NAV3: variants seen among roughly 807,000 people sequenced by gnomAD.
The protein encoded by NAV3 is pore membrane and/or filament interacting like protein 1.
Under a neutral mutation model 244.7 loss-of-function variants are expected in NAV3, and 87 were observed. The ratio of observed to expected loss-of-function variants is 0.36; its 90% confidence interval spans 0.30 to 0.42. NAV3 has a LOEUF of 0.42. Ranked by LOEUF, NAV3 falls within the 20% of genes least tolerant of loss-of-function variation. NAV3 has a pLI of 1.00. For synonymous variants in NAV3, 1,126 were observed against 1,042.2 expected, an observed-to-expected ratio of 1.08 and a Z score of -1.55; for missense variants, 2,663 against 2,893.3, an observed-to-expected ratio of 0.92 and a Z score of 1.83.
intron 12 of NAV3, among the ~76,000 whole-genome samples, chr12:78,107,413 T>C (rs1029739284): frequency 1.3e-5 from 2 of 152,060 alleles, no homozygotes; most frequent in Non-Finnish European, 2.9e-5. Context: ...CCCAGGCCGA[T>C]AAAACGCAAA....
intron 12 of NAV3, among the ~76,000 whole-genome samples, chr12:78,110,536 G>A (rs1380779065): frequency 2.6e-5 from 4 of 151,948 alleles, no homozygotes; most frequent in Admixed American, 2.0e-4. Flanking sequence ...ATCTATGCAT[G>A]TAACAAAATT....
At chr12:77,982,152 G>A (rs955494891) in intron 5 of NAV3, among the ~76,000 whole-genome samples, 15 of 152,026 alleles carry the variant, frequency 9.9e-5, no homozygotes, top group Non-Finnish European at 1.9e-4. Context: ...TTTTCTACTT[G>A]ATTTTTATGT....
At chr12:78,124,713 C>T (rs1023212762) in intron 16 of NAV3, among the ~76,000 whole-genome samples, 1 of 152,068 alleles carries the variant, frequency 6.6e-6, no homozygotes, top group African/African-American at 2.4e-5. Flanking sequence ...CTTGGCCTCC[C>T]AAAGTGTGGG....
chr12:77,880,008 G>A (rs1882422139), intron 1 of NAV3, among the ~76,000 whole-genome samples: 1 of 152,120 alleles, frequency 6.6e-6, no homozygotes, highest in Non-Finnish European at 1.5e-5. Flanking sequence ...TTACAGGAAT[G>A]TTGTTAGTGT....
At chr12:77,929,426 G>A (rs1593027818) in intron 1 of NAV3, among the ~76,000 whole-genome samples, 1 of 152,048 alleles carries the variant, frequency 6.6e-6, no homozygotes, top group Non-Finnish European at 1.5e-5. Context: ...TTTATTGAGT[G>A]TCTACTAAGT....
At chr12:77,906,310 C>T (rs1885968461) in intron 1 of NAV3, among the ~76,000 whole-genome samples, 1 of 151,950 alleles carries the variant, frequency 6.6e-6, no homozygotes, top group Non-Finnish European at 1.5e-5. Context: ...TTTTGTTCCC[C>T]AATGCTTTCC....
intron 2 of NAV3, among the ~76,000 whole-genome samples, chr12:77,650,594 A>G (rs1042964047): frequency 6.6e-6 from 1 of 152,166 alleles, no homozygotes; most frequent in Non-Finnish European, 1.5e-5. Context: ...ATGAACCATT[A>G]TACTATTTCT....
intron 2 of NAV3, among the ~76,000 whole-genome samples, chr12:77,650,772 A>G (rs1300919860): frequency 6.6e-6 from 1 of 152,104 alleles, no homozygotes; most frequent in African/African-American, 2.4e-5. Context: ...TTAATGACTT[A>G]AATTTCCTTT....
chr12:77,952,880 A>G (rs566018902), intron 3 of NAV3, among the ~76,000 whole-genome samples: 1 of 152,290 alleles, frequency 6.6e-6, no homozygotes, highest in East Asian at 1.9e-4. Context: ...TTGGCAAATA[A>G]TAAGTTGTTA....
At chr12:77,590,573 T>C (rs188939256) in intron 2 of NAV3, among the ~76,000 whole-genome samples, 16 of 152,292 alleles carry the variant, frequency 1.1e-4, no homozygotes, top group African/African-American at 3.4e-4. Context: ...CTAGGCTTAA[T>C]ACCTGAGTGA....
chr12:78,186,347 T>A (rs899934321), intron 31 of NAV3, among the ~76,000 whole-genome samples: 3 of 151,926 alleles, frequency 2.0e-5, no homozygotes, highest in African/African-American at 4.8e-5. Context: ...ATCCAATTTT[T>A]TTACATCAAG....
intron 21 of NAV3, 76 bp downstream of exon 21, chr12:78,146,468 C>A: frequency 1.8e-6 from 1 of 544,734 alleles, no homozygotes; most frequent in Non-Finnish European, 2.9e-6. Context: ...CTTGTGACCA[C>A]TAGAGGGCTC....
chr12:77,721,714 T>G (rs890668515), intron 2 of NAV3, among the ~76,000 whole-genome samples: 4 of 152,264 alleles, frequency 2.6e-5, no homozygotes, highest in African/African-American at 4.8e-5. Context: ...TCATATAAGC[T>G]TCTAAACAGC....
chr12:77,720,066 G>C (rs1327064215), intron 2 of NAV3, among the ~76,000 whole-genome samples: 1 of 151,872 alleles, frequency 6.6e-6, no homozygotes, highest in African/African-American at 2.4e-5. Context: ...ATTTCTCCTA[G>C]GTTATCCAAC....
intron 18 of NAV3, among the ~76,000 whole-genome samples, chr12:78,131,939 A>G (rs1037921777): frequency 6.6e-6 from 1 of 152,196 alleles, no homozygotes; most frequent in Non-Finnish European, 1.5e-5. Flanking sequence ...TTCGCAACAC[A>G]GTAACCACAG....
chr12:77,736,790 C>T (rs1877353807), intron 2 of NAV3, among the ~76,000 whole-genome samples: 1 of 152,136 alleles, frequency 6.6e-6, no homozygotes, highest in Non-Finnish European at 1.5e-5. Flanking sequence ...TATATGTCAC[C>T]ACAGGAATGT....
At chr12:77,708,342 A>C (rs1260798278) in intron 2 of NAV3, among the ~76,000 whole-genome samples, 2 of 152,060 alleles carry the variant, frequency 1.3e-5, no homozygotes, top group Middle Eastern at 3.2e-3. Flanking sequence ...TGTTTTTGTC[A>C]GGTTTGTCAA....
chr12:77,782,122 C>G (rs556956780), intron 2 of NAV3, among the ~76,000 whole-genome samples: 2 of 152,256 alleles, frequency 1.3e-5, no homozygotes, highest in East Asian at 3.9e-4. Flanking sequence ...AGTCTCCTAA[C>G]AAGAGTCACA....
At chr12:78,086,975 A>G (rs1165526585) in intron 12 of NAV3, among the ~76,000 whole-genome samples, 3 of 151,996 alleles carry the variant, frequency 2.0e-5, no homozygotes, top group Non-Finnish European at 4.4e-5. Flanking sequence ...TGTCAATGAA[A>G]CAATAGGTTT....
Sources: allele counts gnomAD v4.1 joint callset (sites outside exome capture counted in the v4.1 genomes callset), GRCh38; gene constraint gnomAD v4.1.1; transcripts MANE v1.5; gene names NCBI Gene and HGNC (gene_info 2026-07-23, HGNC 2026-07-21).